The following TENM4 variants were observed in gnomAD, a reference collection of about 807,000 sequenced individuals.
TENM4 encodes the protein teneurin-4.
A neutral mutation model predicts 243.3 loss-of-function variants in TENM4; 82 were observed. The observed-to-expected ratio is 0.34, with a 90% CI of 0.28 to 0.40. The LOEUF (loss-of-function observed/expected upper bound fraction) is 0.40. Among genes scored for constraint, TENM4 ranks in the 10% least tolerant of loss-of-function variants. TENM4 has a pLI of 1.00. For missense variants in TENM4, 3,138 were observed against 3,673.3 expected, an observed-to-expected ratio of 0.85 and a Z score of 3.77; for synonymous variants, 1,412 against 1,456.3, an observed-to-expected ratio of 0.97 and a Z score of 0.69.
intron 17 of TENM4, among the ~76,000 whole-genome samples, chr11:78,775,752 A>G (rs1856728510): frequency 6.6e-6 from 1 of 152,178 alleles, no homozygotes; most frequent in Non-Finnish European, 1.5e-5. Context: ...CTTCGGAAAG[A>G]CTCACACCAG....
At chr11:78,696,350 T>C (rs970475533) in intron 28 of TENM4, among the ~76,000 whole-genome samples, 2 of 152,216 alleles carry the variant, frequency 1.3e-5, no homozygotes, top group African/African-American at 4.8e-5. Context: ...CTCTGACAGA[T>C]AGTTTCAACA....
intron 1 of TENM4, among the ~76,000 whole-genome samples, chr11:79,406,955 A>G (rs773712342): frequency 6.6e-6 from 1 of 152,188 alleles, no homozygotes; most frequent in Non-Finnish European, 1.5e-5. Context: ...ATTATTGACA[A>G]TCTACTTCTG....
intron 25 of TENM4, among the ~76,000 whole-genome samples, chr11:78,719,472 T>C (rs1357533175): frequency 3.9e-5 from 6 of 152,238 alleles, no homozygotes; most frequent in East Asian, 1.9e-4. Flanking sequence ...TTGAAAGAGA[T>C]AGAATCATTA....
At chr11:78,917,460 T>C (rs568831324) in intron 6 of TENM4, among the ~76,000 whole-genome samples, 2 of 152,372 alleles carry the variant, frequency 1.3e-5, no homozygotes, top group African/African-American at 4.8e-5. Context: ...ATGCTTTTCA[T>C]CATTTACGAC....
At chr11:79,237,180 A>G (rs540677849) in intron 2 of TENM4, among the ~76,000 whole-genome samples, 2 of 146,492 alleles carry the variant, frequency 1.4e-5, no homozygotes, top group Non-Finnish European at 3.1e-5. Flanking sequence ...CTTAAAGAGA[A>G]GAGATTTTTT....
chr11:79,258,659 A>G (rs12283771), intron 2 of TENM4, among the ~76,000 whole-genome samples: 6,144 of 152,272 alleles, frequency 0.04, 425 homozygotes, highest in African/African-American at 0.14. Context: ...TTAAATACCA[A>G]TAGATGGCTG....
chr11:78,851,724 G>A (rs1858544117), intron 12 of TENM4, among the ~76,000 whole-genome samples: 1 of 152,056 alleles, frequency 6.6e-6, no homozygotes, highest in Non-Finnish European at 1.5e-5. Context: ...AAAGAATCAG[G>A]GCCTGTAGCC....
chr11:78,930,845 A>T (rs1269390715), intron 6 of TENM4, among the ~76,000 whole-genome samples: 1 of 152,206 alleles, frequency 6.6e-6, no homozygotes, highest in Non-Finnish European at 1.5e-5. Context: ...CCCTGAGCGA[A>T]GAAAAATTCG....
Position 79,358,060 on chromosome 11 carries a change from G to T in TENM4, c.-320-60517C>A, listed in dbSNP as rs17138216. 3.4e-3 allele frequency among the ~76,000 whole-genome samples: 511 copies of T among 152,200 alleles called. 2 individuals carry two copies. The highest frequency in any genetic ancestry group is 0.012 in the African/African-American group (491 of 41,514). Reference sequence around the variant, plus strand: ...CCTGAGCTTTATTTACCATGCTCTAGGGCTACCCCCCAAAATATCACTCCT... The same window carrying T: ...CCTGAGCTTTATTTACCATGCTCTATGGCTACCCCCCAAAATATCACTCCT... On this transcript the variant is annotated intron_variant, in intron 1 of 33. Coordinates refer to ENST00000278550, the MANE Select transcript of TENM4 (RefSeq NM_001098816.3).
chr11:79,396,626 C>T (rs181604354), intron 1 of TENM4, among the ~76,000 whole-genome samples: 58 of 152,282 alleles, frequency 3.8e-4, no homozygotes, highest in Admixed American at 3.3e-3. Flanking sequence ...ATTGGGAGGC[C>T]GGCAAAGGAA....
At position 79,138,465 on chromosome 11, in the gene TENM4, ATATAT is replaced by A. The variant is rs1472664998; in HGVS notation, c.-66+10240_-66+10244del. ...TTATATTTATATATAATATATTTTA[ATATAT>A]TATATACAAATAATATATATTTATA... On this transcript the variant is annotated intron_variant, in intron 4 of 33. Coordinates refer to ENST00000278550, the MANE Select transcript of TENM4 (RefSeq NM_001098816.3). Among the ~76,000 whole-genome samples the A allele has an allele frequency of 1.9e-3, 225 of 117,052 alleles. 1 individual carries two copies. Among genetic ancestry groups the A allele is most frequent in the African/African-American group, 7.5e-3 (213 of 28,572 alleles). The allele number at this position is 117,052 out of a possible 152,430, so 76.8% of individuals were successfully genotyped here. A position where few individuals can be genotyped will look rare whatever the true frequency, so the allele number is the denominator to read the frequency against.
chr11:79,113,669 AC>A (rs955582061), intron 4 of TENM4, among the ~76,000 whole-genome samples: 11 of 152,084 alleles, frequency 7.2e-5, no homozygotes, highest in African/African-American at 2.4e-4. Flanking sequence ...GGATTAACCA[AC>A]AAAATGGCAA....
chr11:78,850,644 C>T (rs1858513630), intron 12 of TENM4, among the ~76,000 whole-genome samples: 1 of 152,150 alleles, frequency 6.6e-6, no homozygotes, highest in African/African-American at 2.4e-5. Flanking sequence ...TAAACCATCA[C>T]TGTAGCTTGA....
intron 4 of TENM4, among the ~76,000 whole-genome samples, chr11:79,079,341 A>G (rs1003873848): frequency 6.6e-6 from 1 of 152,166 alleles, no homozygotes; most frequent in Non-Finnish European, 1.5e-5. Flanking sequence ...CGGAGCTGGG[A>G]GGGCTCCCCC....
At chr11:79,416,994 T>C (rs943344871) in intron 1 of TENM4, among the ~76,000 whole-genome samples, 1 of 152,190 alleles carries the variant, frequency 6.6e-6, no homozygotes, top group Non-Finnish European at 1.5e-5. Context: ...AGCCAAGATA[T>C]ACTGTGGCTG....
intron 2 of TENM4, among the ~76,000 whole-genome samples, chr11:79,286,981 AT>A (rs1856266568): frequency 6.6e-6 from 1 of 152,250 alleles, no homozygotes; most frequent in South Asian, 2.1e-4. Flanking sequence ...GACCACATAC[AT>A]TCAGGAACTT....
At chr11:78,922,835 C>T (rs1016002889) in intron 6 of TENM4, among the ~76,000 whole-genome samples, 1 of 152,136 alleles carries the variant, frequency 6.6e-6, no homozygotes, top group African/African-American at 2.4e-5. Context: ...ACTCTCAGGC[C>T]TGGGATGAGA....
intron 4 of TENM4, among the ~76,000 whole-genome samples, chr11:79,138,134 C>A (rs886275506): frequency 6.6e-6 from 1 of 150,816 alleles, no homozygotes; most frequent in Non-Finnish European, 1.5e-5. Flanking sequence ...AAAAGAGAGA[C>A]TGGCCTAGTC....
rs114029908 is a variant in TENM4, at chr11:79,032,520, G to A, written c.493+32218C>T. Among the ~76,000 whole-genome samples, 747 of 152,214 alleles carry A rather than the reference G, an allele frequency of 4.9e-3. 7 individuals are homozygous for A. The highest frequency in any genetic ancestry group is 0.017 in the African/African-American group (688 of 41,532). On this transcript the variant is annotated intron_variant, in intron 6 of 33. Transcript: ENST00000278550. The stretch of plus-strand genomic sequence containing the variant: ...CTGGTGATATAAGTTTCTAAAAGGC[G>A]CCTCCTGCAGTGAGAAGTGTGTGAT...
Sources: allele counts gnomAD v4.1 joint callset (sites outside exome capture counted in the v4.1 genomes callset), GRCh38; gene constraint gnomAD v4.1.1; transcripts MANE v1.5; gene names NCBI Gene and HGNC (gene_info 2026-07-23, HGNC 2026-07-21).